Variants in RHBDL3 observed in about 807,000 individuals in gnomAD.
RHBDL3 encodes rhomboid-related protein 3.
RHBDL3 carries 28 observed loss-of-function variants against 48.2 expected under a neutral mutation model. That is an observed-to-expected ratio of 0.58 (90% confidence interval 0.43 to 0.80). The LOEUF is 0.80. RHBDL3 is among the 30% of genes least tolerant of loss of function. RHBDL3 has a pLI of 0.00. For missense variants in RHBDL3, 464 were observed against 542.7 expected (o/e 0.85, Z 1.44); for synonymous variants, 208 against 232.3 (o/e 0.90, Z 0.95).
In RHBDL3 at chr17:32,288,936, G is replaced by A; in HGVS notation, c.439G>A (p.Glu147Lys). The A allele has an allele frequency of 6.2e-7, 1 of 1,614,210 alleles. No individual in the cohort carries two copies. The highest frequency in any genetic ancestry group is 8.5e-7 in the Non-Finnish European group (1 of 1,180,044). Residue 147 changes from glutamate (E) to lysine (K), a missense_variant, in exon 4 of 9, where the codon GAA (glutamate) becomes AAA (lysine). Transcript: ENST00000269051. ...TGTGGCCTATGAGACCCTGCCCCGG[G>A]AAATTGACCGCAAGTGGTACTATGA... Reference protein sequence around the residue: ...RHVAYETLPREIDRKWYYDSY... With the variant: ...RHVAYETLPRKIDRKWYYDSY...
intron 7 of RHBDL3, among the ~76,000 whole-genome samples, chr17:32,313,179 A>G (rs558850688): frequency 1.1e-4 from 16 of 152,178 alleles, no homozygotes; most frequent in Non-Finnish European, 1.9e-4. Flanking sequence ...AACATAGTGA[A>G]GTTCCATATC....
intron 8 of RHBDL3, among the ~76,000 whole-genome samples, chr17:32,319,160 C>T (rs1436961399): frequency 5.9e-5 from 9 of 151,514 alleles, no homozygotes; most frequent in Admixed American, 1.3e-4. Flanking sequence ...CGGTGGCTCA[C>T]GCTTGTAATC....
intron 4 of RHBDL3, among the ~76,000 whole-genome samples, chr17:32,290,194 G>A (rs147163969): frequency 2.6e-3 from 393 of 152,300 alleles, no homozygotes; most frequent in Non-Finnish European, 4.9e-3. Flanking sequence ...TTCCCAGGCT[G>A]AGCCCAGAAG....
chr17:32,290,513 A>G (rs1242743770), intron 4 of RHBDL3, among the ~76,000 whole-genome samples: 1 of 152,170 alleles, frequency 6.6e-6, no homozygotes, highest in Non-Finnish European at 1.5e-5. Context: ...TGGGGCTACA[A>G]TGCCCAAGGC....
At chr17:32,295,163 G>A (rs1043830182) in intron 5 of RHBDL3, among the ~76,000 whole-genome samples, 8 of 152,208 alleles carry the variant, frequency 5.3e-5, no homozygotes, top group Admixed American at 3.9e-4. Context: ...GGGGAAAACC[G>A]TGGGGGTGCC....
chr17:32,288,514 T>TG, intron 3 of RHBDL3: 1 of 428,426 alleles, frequency 2.3e-6, no homozygotes, highest in Non-Finnish European at 4.3e-6. Context: ...AAGCTCTCGG[T>TG]GTCTCAGTTT....
intron 7 of RHBDL3, 138 bp from the exon 8 acceptor site, chr17:32,316,094 T>A: frequency 2.9e-6 from 2 of 679,420 alleles, no homozygotes; most frequent in South Asian, 3.5e-5. Flanking sequence ...CCATGTGGTG[T>A]GTTCTGCTAC....
chr17:32,289,780 G>C (rs1377608648), intron 4 of RHBDL3, among the ~76,000 whole-genome samples: 1 of 152,186 alleles, frequency 6.6e-6, no homozygotes, highest in African/African-American at 2.4e-5. Flanking sequence ...TGGATGCTTG[G>C]CTTCACTTTG....
chr17:32,313,897 C>T (rs2040907413), intron 7 of RHBDL3, among the ~76,000 whole-genome samples: 1 of 151,928 alleles, frequency 6.6e-6, no homozygotes, highest in East Asian at 1.9e-4. Flanking sequence ...GCTGGGACTA[C>T]AGGCACCTGC....
chr17:32,308,825 TGGGA>T (rs2040770677), intron 7 of RHBDL3, among the ~76,000 whole-genome samples: 1 of 152,088 alleles, frequency 6.6e-6, no homozygotes, highest in Admixed American at 6.6e-5. Flanking sequence ...CCCAGCACTT[TGGGA>T]GGCCGAGGCG....
chr17:32,310,186 T>G (rs1250549420), intron 7 of RHBDL3, among the ~76,000 whole-genome samples: 1 of 152,236 alleles, frequency 6.6e-6, no homozygotes, highest in Non-Finnish European at 1.5e-5. Flanking sequence ...GATTGATGTT[T>G]TCCCAAAATG....
chr17:32,294,561 G>A, intron 5 of RHBDL3, 119 bp downstream of exon 5: 2 of 1,007,338 alleles, frequency 2.0e-6, no homozygotes, highest in Admixed American at 3.2e-5. Context: ...ATAGGATTTG[G>A]GATGGCTGCT....
rs1188417747 is a variant in RHBDL3, at chr17:32,321,144, T to C, written c.1130T>C (p.Met377Thr). 3 of 1,614,242 alleles carry C rather than the reference T, an allele frequency of 1.9e-6. No homozygotes were observed. Among genetic ancestry groups the C allele is most frequent in the Non-Finnish European group, 1.7e-6 (2 of 1,180,038 alleles). Residue 377 changes from methionine (M) to threonine (T), a missense_variant, in exon 9 of 9, where the codon ATG becomes ACG. Coordinates refer to ENST00000269051, the MANE Select transcript of RHBDL3 (RefSeq NM_138328.3). ...DQSLWWIFVA[M>T]YTVFVLFAVF... ...TCACTGTGGTGGATTTTTGTGGCCA[T>C]GTACACCGTCTTCGTGCTGTTCGCT...
At chr17:32,309,770 CTT>C (rs11346917) in intron 7 of RHBDL3, among the ~76,000 whole-genome samples, 1,773 of 123,700 alleles carry the variant, frequency 0.014, 6 homozygotes, top group African/African-American at 0.035. Flanking sequence ...ATCAAGACTT[CTT>C]TTTTTTTTTT....
chr17:32,279,923 C>T (rs747418076), intron 2 of RHBDL3, among the ~76,000 whole-genome samples: 7 of 152,152 alleles, frequency 4.6e-5, no homozygotes, highest in Admixed American at 6.5e-5. Context: ...GTCAGTTCCC[C>T]TACCTAGATG....
At chr17:32,295,955 G>C (rs1018732508) in intron 5 of RHBDL3, among the ~76,000 whole-genome samples, 1 of 152,040 alleles carries the variant, frequency 6.6e-6, no homozygotes, top group African/African-American at 2.4e-5. Context: ...AGCCGGGCGC[G>C]GTGGCTCACG....
intron 2 of RHBDL3, 23 bp from the exon 3 acceptor site, chr17:32,284,636 G>A (rs763062015): frequency 1.8e-5 from 29 of 1,611,540 alleles, no homozygotes; most frequent in Non-Finnish European, 2.4e-5. Context: ...TGCTGACCCT[G>A]CTGCTGTCTG....
intron 7 of RHBDL3, among the ~76,000 whole-genome samples, chr17:32,306,942 A>T (rs968988795): frequency 6.6e-6 from 1 of 152,144 alleles, no homozygotes; most frequent in Non-Finnish European, 1.5e-5. Context: ...AAGAAAAGAA[A>T]AGTAATAGAA....
intron 1 of RHBDL3, 110 bp from the exon 2 acceptor site, chr17:32,267,792 C>T (rs1000483502): frequency 6.3e-7 from 1 of 1,585,562 alleles, no homozygotes; most frequent in Non-Finnish European, 8.6e-7. Flanking sequence ...CCTGGGCAGC[C>T]GCTGGGAGGC....
Sources: allele counts gnomAD v4.1 joint callset (sites outside exome capture counted in the v4.1 genomes callset), GRCh38; gene constraint gnomAD v4.1.1; transcripts MANE v1.5; gene names NCBI Gene and HGNC (gene_info 2026-07-23, HGNC 2026-07-21).